The following DHRSX variants were observed in gnomAD, a reference collection of about 807,000 sequenced individuals.
DHRSX encodes the protein dehydrogenase/reductase X-linked.
DHRSX carries 31 observed loss-of-function variants against 34.0 expected under a neutral mutation model. The ratio of observed to expected loss-of-function variants is 0.91; its 90% CI spans 0.69 to 1.23. The LOEUF is 1.23. Among genes scored for constraint, DHRSX ranks in the 50% most tolerant of loss-of-function variants. DHRSX has a pLI of 0.00. For synonymous variants in DHRSX, 201 were observed against 183.8 expected, an observed-to-expected ratio of 1.09 and a Z score of -0.76; for missense variants, 414 against 428.1, an observed-to-expected ratio of 0.97 and a Z score of 0.29.
At chrX:2,479,802 G>A (rs1006799563) in intron 1 of DHRSX, among the ~76,000 whole-genome samples, 1 of 151,662 alleles carries the variant, frequency 6.6e-6, no homozygotes, top group African/African-American at 2.4e-5. Flanking sequence ...TAAGCATGCA[G>A]CAAAGGGACT....
chrX:2,344,878 T>TGC (rs2042683277), intron 3 of DHRSX, among the ~76,000 whole-genome samples: 1 of 10,888 alleles, frequency 9.2e-5, no homozygotes, highest in African/African-American at 2.4e-4. Flanking sequence ...GAAGCATATA[T>TGC]ATATATATAT....
At chrX:2,241,737 C>T (rs765810044) in intron 6 of DHRSX, among the ~76,000 whole-genome samples, 84 of 152,078 alleles carry the variant, frequency 5.5e-4, no homozygotes, top group Non-Finnish European at 1.0e-3. Context: ...GATGAAACCC[C>T]GTCTCTACTA....
intron 1 of DHRSX, among the ~76,000 whole-genome samples, chrX:2,466,312 C>A (rs1227992887): frequency 6.6e-6 from 1 of 152,148 alleles, no homozygotes; most frequent in East Asian, 1.9e-4. Flanking sequence ...GTGGTATGCG[C>A]CTGTAATCTC....
In DHRSX at chrX:2,445,572, T is replaced by C. The variant is rs190390283; in HGVS notation, c.110-20268A>G. On this transcript the variant is annotated intron_variant, in intron 1 of 6. Transcript: ENST00000334651. ...CCGCTGCCGTGGGCACACTGAAGACTTTCCCTAAGAATGCGGCCAAGGGAC... is the reference window on the plus strand; with the variant it reads ...CCGCTGCCGTGGGCACACTGAAGACCTTCCCTAAGAATGCGGCCAAGGGAC... Among the ~76,000 whole-genome samples, 355 of 151,468 alleles carry C rather than the reference T, an allele frequency of 2.3e-3. 2 individuals carry two copies. Among genetic ancestry groups the C allele is most frequent in the African/African-American group, 8.1e-3 (335 of 41,298 alleles).
At chrX:2,415,512 T>C (rs1197987784) in intron 2 of DHRSX, among the ~76,000 whole-genome samples, 2 of 151,482 alleles carry the variant, frequency 1.3e-5, no homozygotes, top group Non-Finnish European at 2.9e-5. Flanking sequence ...CTAGATATCA[T>C]CGTAATATAA....
intron 3 of DHRSX, among the ~76,000 whole-genome samples, chrX:2,364,404 A>G (rs746171405): frequency 6.6e-6 from 1 of 152,262 alleles, no homozygotes; most frequent in East Asian, 1.9e-4. Flanking sequence ...CCAGCTCCAG[A>G]TGGACATACT....
intron 1 of DHRSX, among the ~76,000 whole-genome samples, chrX:2,500,028 AAATAAT>A (rs1205051124): frequency 6.6e-6 from 1 of 152,124 alleles, no homozygotes. Context: ...CTATTACAAA[AAATAAT>A]AATAATAATA....
At chrX:2,350,869 G>C (rs985577312) in intron 3 of DHRSX, among the ~76,000 whole-genome samples, 5 of 152,096 alleles carry the variant, frequency 3.3e-5, no homozygotes, top group African/African-American at 1.2e-4. Context: ...AGAAAATGTG[G>C]TATGTAGACA....
At chrX:2,249,554 C>T (rs1287872956) in intron 5 of DHRSX, among the ~76,000 whole-genome samples, 10 of 112,150 alleles carry the variant, frequency 8.9e-5, no homozygotes, top group Admixed American at 1.2e-4. Flanking sequence ...GACAGAGTCT[C>T]GCTCTGTAGC....
chrX:2,307,797 ATAAAAT>A (rs1569486348), intron 3 of DHRSX, among the ~76,000 whole-genome samples: 3 of 146,792 alleles, frequency 2.0e-5, no homozygotes, highest in South Asian at 2.1e-4. Flanking sequence ...AATAAAAAAA[ATAAAAT>A]AAAAAACAAG....
chrX:2,368,721 G>A (rs2043023120), intron 3 of DHRSX, among the ~76,000 whole-genome samples: 1 of 151,970 alleles, frequency 6.6e-6, no homozygotes, highest in South Asian at 2.1e-4. Context: ...ATGGTGACAG[G>A]TGCCTGTAAT....
rs1569487305 is a variant in DHRSX, at chrX:2,314,462, GAA to G, written c.287-22861_287-22860del. Among the ~76,000 whole-genome samples, 113 of 98,480 alleles carry G rather than the reference GAA, an allele frequency of 1.1e-3. 13 individuals are homozygous for G. Among genetic ancestry groups the G allele is most frequent in the African/African-American group, 6.7e-3 (104 of 15,480 alleles). 64.6% of individuals were successfully genotyped at this position (98,480 alleles called of 152,430 possible). ...GGAAGGAAGGGGAGAAGGGAGGAAGGAAGGGGAGAAGGAAGGAAGGAAGGAAG... is the reference window on the plus strand; with the variant it reads ...GGAAGGAAGGGGAGAAGGGAGGAAGGGGGGAGAAGGAAGGAAGGAAGGAAG... On this transcript the variant is annotated intron_variant, in intron 3 of 6. Coordinates refer to ENST00000334651, the MANE Select transcript of DHRSX (RefSeq NM_145177.3).
intron 3 of DHRSX, among the ~76,000 whole-genome samples, chrX:2,327,515 C>T (rs1163983221): frequency 1.3e-5 from 2 of 152,242 alleles, no homozygotes; most frequent in Admixed American, 1.3e-4. Context: ...CAGTTGGCCT[C>T]GTGGTGGGAG....
At chrX:2,393,198 T>C (rs951334884) in intron 3 of DHRSX, among the ~76,000 whole-genome samples, 1 of 150,132 alleles carries the variant, frequency 6.7e-6, no homozygotes, top group Non-Finnish European at 1.5e-5. Context: ...ATAGATCAAA[T>C]ATATAAATGT....
intron 4 of DHRSX, among the ~76,000 whole-genome samples, chrX:2,285,145 G>A (rs1280683304): frequency 1.3e-5 from 2 of 152,132 alleles, no homozygotes; most frequent in African/African-American, 4.8e-5. Flanking sequence ...ATGTGGGGAT[G>A]GTTTTGGGAT....
chrX:2,325,355 C>T (rs1370758194), intron 3 of DHRSX, among the ~76,000 whole-genome samples: 2 of 151,966 alleles, frequency 1.3e-5, no homozygotes, highest in East Asian at 1.9e-4. Context: ...GGACTAGACA[C>T]GTTCAAGATG....
At chrX:2,473,952 A>G (rs1214903964) in intron 1 of DHRSX, among the ~76,000 whole-genome samples, 2 of 149,820 alleles carry the variant, frequency 1.3e-5, no homozygotes, top group Non-Finnish European at 3.0e-5. Flanking sequence ...ACAGGGCAGG[A>G]GAAGGAATGA....
At chrX:2,500,298 C>A in intron 1 of DHRSX, 1 of 185,626 alleles carries the variant, frequency 5.4e-6, no homozygotes, top group East Asian at 1.3e-4. Context: ...GAGAAGGGCC[C>A]ATCCTCACTT....
chrX:2,486,741 G>C (rs1470849182), intron 1 of DHRSX: 1 of 152,268 alleles, frequency 6.6e-6, no homozygotes, highest in Non-Finnish European at 1.5e-5. Flanking sequence ...AGAACACCCG[G>C]AGCTGAGGGT....
Sources: allele counts gnomAD v4.1 joint callset (sites outside exome capture counted in the v4.1 genomes callset), GRCh38; gene constraint gnomAD v4.1.1; transcripts MANE v1.5; gene names NCBI Gene and HGNC (gene_info 2026-07-23, HGNC 2026-07-21).